The following PHF3 variants were observed in gnomAD, a reference collection of about 807,000 sequenced individuals.
PHF3 encodes the protein PHD finger protein 3.
Under a neutral mutation model 178.4 loss-of-function variants are expected in PHF3, and 41 were observed. The observed-to-expected ratio is 0.23, with a 90% CI of 0.18 to 0.30. The LOEUF (loss-of-function observed/expected upper bound fraction) is 0.30. Ranked by LOEUF, PHF3 falls within the 10% of genes least tolerant of loss-of-function variation. The pLI is 1.00. For synonymous variants in PHF3, 842 were observed against 800.5 expected (o/e 1.05, Z -0.88); for missense variants, 2,346 against 2,398.1 (o/e 0.98, Z 0.45).
At chr6:63,638,716 T>C (rs72884618) in intron 1 of PHF3, among the ~76,000 whole-genome samples, 7,957 of 152,252 alleles carry the variant, frequency 0.052, 283 homozygotes, top group East Asian at 0.093. Flanking sequence ...AAGTACATCT[T>C]GGGCTCTGTT....
intron 2 of PHF3, among the ~76,000 whole-genome samples, chr6:63,658,708 T>TTGTGTGTG (rs3071174): frequency 3.0e-4 from 44 of 145,308 alleles, no homozygotes; most frequent in African/African-American, 7.1e-4. Flanking sequence ...CCAATAGATT[T>TTGTGTGTG]TGTGTGTGTG....
chr6:63,675,137 T>C (rs992453704), intron 2 of PHF3, among the ~76,000 whole-genome samples: 10 of 152,210 alleles, frequency 6.6e-5, no homozygotes, highest in African/African-American at 1.9e-4. Flanking sequence ...TTGAATGTGA[T>C]GTAAAATCAG....
chr6:63,639,595 T>G (rs191174342), intron 1 of PHF3, among the ~76,000 whole-genome samples: 1 of 152,278 alleles, frequency 6.6e-6, no homozygotes, highest in Non-Finnish European at 1.5e-5. Flanking sequence ...AGTGTAAAAG[T>G]GTAGGCTCAG....
Position 63,646,540 on chromosome 6 carries a change from A to C in PHF3, c.-12A>C. The C allele has an allele frequency of 1.2e-6, 2 of 1,604,220 alleles. No individual in the cohort carries two copies. Among genetic ancestry groups the C allele is most frequent in the South Asian group, 1.1e-5 (1 of 90,206 alleles). On this transcript the variant is annotated 5_prime_UTR_variant, in exon 2 of 16. Coordinates refer to ENST00000262043, the MANE Select transcript of PHF3 (RefSeq NM_001370348.2). The stretch of plus-strand genomic sequence containing the variant: ...GTCTTTCTATAGGGCTGAAAGACAC[A>C]CAGAAGTCTTCATGGATATAGTTGA...
At chr6:63,674,960 G>A (rs1317087559) in intron 2 of PHF3, among the ~76,000 whole-genome samples, 1 of 152,122 alleles carries the variant, frequency 6.6e-6, no homozygotes, top group African/African-American at 2.4e-5. Context: ...GTTGAGCAGT[G>A]CAATAAATTT....
At position 63,722,060 on chromosome 6, in the gene PHF3, T is replaced by C. The variant is rs1423955222; in HGVS notation, c.*8352T>C. Among the ~76,000 whole-genome samples, 2 of 152,156 alleles carry C rather than the reference T, an allele frequency of 1.3e-5. No homozygotes were observed. Among genetic ancestry groups the C allele is most frequent in the East Asian group, 3.8e-4 (2 of 5,196 alleles). ...GAATGAATATATTGTGGTAGTAAGT[T>C]AAAGTGAGGTTTTTCTTCAAATGAA... is the stretch of plus-strand genomic sequence containing the variant. On this transcript the variant is annotated 3_prime_UTR_variant, in exon 16 of 16. Coordinates refer to ENST00000262043, the MANE Select transcript of PHF3 (RefSeq NM_001370348.2).
rs1381235483 is a variant in PHF3, at chr6:63,684,812, C to T, written c.1090C>T (p.Pro364Ser). Reference protein sequence around the residue: ...NKTENSLVGLPSCVDEVTECN... With the variant: ...NKTENSLVGLSSCVDEVTECN... ...GACAGAAAACAGCCTTGTAGGTTTG[C>T]CTAGTTGTGTAGATGAAGTGACTGA... Residue 364 changes from proline (P) to serine (S), a missense_variant, in exon 4 of 16, where the codon CCT becomes TCT. This residue lies in a region of PHF3 where 843 missense variants were observed against 795.2 expected (regional missense o/e 1.06). Transcript: ENST00000262043. 3 of 1,613,722 alleles carry T rather than the reference C, an allele frequency of 1.9e-6. No individual in the cohort carries two copies. Among genetic ancestry groups the T allele is most frequent in the African/African-American group, 2.7e-5 (2 of 74,866 alleles).
At chr6:63,649,849 C>T (rs1033063875) in intron 2 of PHF3, among the ~76,000 whole-genome samples, 2 of 151,984 alleles carry the variant, frequency 1.3e-5, no homozygotes, top group African/African-American at 4.8e-5. Context: ...GAGTATTTTC[C>T]CAAGTAACAG....
rs1767428827 is a variant in PHF3, at chr6:63,700,564, A to C, written c.3099+98A>C. 6.3e-6 allele frequency: 4 copies of C among 634,212 alleles called. No individual in the cohort carries two copies. In the South Asian group the frequency reaches 8.3e-5, roughly 13 times the overall value. 39.3% of individuals were successfully genotyped at this position (634,212 alleles called of 1,614,324 possible). A position where few individuals can be genotyped will look rare whatever the true frequency, so the allele number is the denominator to read the frequency against. ...GAGGTAAATTCAACACAGACTGCAT[A>C]ATAACACAGACTTTCTGTTACATGC... is the stretch of plus-strand genomic sequence containing the variant. On this transcript the variant is annotated intron_variant, in intron 9 of 15. Transcript: ENST00000262043.
At chr6:63,650,154 A>G (rs957484687) in intron 2 of PHF3, among the ~76,000 whole-genome samples, 6 of 152,326 alleles carry the variant, frequency 3.9e-5, no homozygotes, top group African/African-American at 9.6e-5. Context: ...TTTAAGACCA[A>G]CAAAACAGAC....
intron 2 of PHF3, among the ~76,000 whole-genome samples, chr6:63,671,934 A>G (rs1277521026): frequency 6.6e-6 from 1 of 152,070 alleles, no homozygotes; most frequent in Non-Finnish European, 1.5e-5. Flanking sequence ...TTTAGTAGAG[A>G]TGGGGTTTCA....
At position 63,684,490 on chromosome 6, in the gene PHF3, A is replaced by G. The variant is rs752699039; in HGVS notation, c.768A>G (p.Ser256=). Reference sequence around the variant, plus strand: ...TGCCATCTCATGAATTAAATTGTTCACTTCTTTCAGAGACTTGTGTTACTA... The same window carrying G: ...TGCCATCTCATGAATTAAATTGTTCGCTTCTTTCAGAGACTTGTGTTACTA... ...IDVPSHELNC[S]LLSETCVTIG... is the part of the protein sequence containing the mutation. The change falls in exon 4 of 16, where the codon TCA becomes TCG. Residue 256 remains serine, a synonymous_variant. Coordinates refer to ENST00000262043, the MANE Select transcript of PHF3 (RefSeq NM_001370348.2). The G allele has an allele frequency of 2.5e-6, 4 of 1,613,682 alleles. No individual in the cohort carries two copies. Among genetic ancestry groups the G allele is most frequent in the South Asian group, 1.1e-5 (1 of 91,028 alleles).
In PHF3 at chr6:63,716,571, A is replaced by G. The variant is rs1768196311; in HGVS notation, c.*2863A>G. On this transcript the variant is annotated 3_prime_UTR_variant, in exon 16 of 16. Transcript: ENST00000262043. ...TAGTGGCTTAAAACCACACAAATTT[A>G]TGATCTTACGGTTCTGTGGATCAGA... Among the ~76,000 whole-genome samples, 2 of 152,136 alleles carry G rather than the reference A, an allele frequency of 1.3e-5. No individual in the cohort carries two copies. Among genetic ancestry groups the G allele is most frequent in the African/African-American group, 2.4e-5 (1 of 41,448 alleles).
chr6:63,680,329 T>C (rs1766377516), intron 3 of PHF3, among the ~76,000 whole-genome samples, 168 bp downstream of exon 3: 1 of 151,710 alleles, frequency 6.6e-6, no homozygotes, highest in Non-Finnish European at 1.5e-5. Flanking sequence ...AAGTTTTCAG[T>C]ACCCACCACC....
chr6:63,649,157 G>A (rs944088468), intron 2 of PHF3, among the ~76,000 whole-genome samples: 1 of 151,546 alleles, frequency 6.6e-6, no homozygotes, highest in Admixed American at 6.6e-5. Flanking sequence ...TGCCCAGGCT[G>A]GTCTCTTAAC....
intron 2 of PHF3, among the ~76,000 whole-genome samples, chr6:63,673,194 A>T (rs1765997076): frequency 6.6e-6 from 1 of 152,194 alleles, no homozygotes; most frequent in Admixed American, 6.5e-5. Context: ...CAGCAGAAAC[A>T]GCACCGCTAA....
Position 63,713,187 on chromosome 6 carries a change from C to G in PHF3, c.5599C>G (p.Arg1867Gly). 1 of 1,614,032 alleles carries G rather than the reference C, an allele frequency of 6.2e-7. No individual in the cohort carries two copies. Among genetic ancestry groups the G allele is most frequent in the Admixed American group, 1.7e-5 (1 of 59,994 alleles). ...PVVHLPGQPQRMMGPLSQASR... is the reference protein window; with the variant it reads ...PVVHLPGQPQGMMGPLSQASR... ...TGTTCATCTCCCAGGTCAGCCACAG[C>G]GTATGATGGGTCCTCTCTCACAAGC... The change falls in exon 16 of 16, where the codon CGT becomes GGT. Residue 1867 changes from arginine (R) to glycine (G), a missense_variant. Physicochemically the swap from Arg to Gly is moderately radical, Grantham distance 125. Transcript: ENST00000262043.
intron 4 of PHF3, among the ~76,000 whole-genome samples, chr6:63,688,669 A>G (rs1250041736): frequency 3.9e-5 from 6 of 152,022 alleles, no homozygotes; most frequent in Admixed American, 6.5e-5. Context: ...AGCCTTCACT[A>G]CTACTGTGAT....
At chr6:63,693,262 C>T (rs2149593038) in intron 5 of PHF3, among the ~76,000 whole-genome samples, 1 of 152,264 alleles carries the variant, frequency 6.6e-6, no homozygotes, top group East Asian at 1.9e-4. Flanking sequence ...ATATGCAGTA[C>T]AATGAGAAAT....
Sources: allele counts gnomAD v4.1 joint callset (sites outside exome capture counted in the v4.1 genomes callset), GRCh38; gene constraint gnomAD v4.1.1; regional missense constraint gnomAD v4.1.1; transcripts MANE v1.5; gene names NCBI Gene and HGNC (gene_info 2026-07-23, HGNC 2026-07-21).